The following MYH9 variants were observed in gnomAD, a reference collection of about 807,000 sequenced individuals.
The protein encoded by MYH9 is myosin-9.
Under a neutral mutation model 241.9 loss-of-function variants are expected in MYH9, and 29 were observed. That is an observed-to-expected ratio of 0.12 (90% confidence interval 0.09 to 0.16). The LOEUF (loss-of-function observed/expected upper bound fraction) is 0.16, where lower values mean the gene tolerates loss of function less well. Ranked by LOEUF, MYH9 falls within the 10% of genes least tolerant of loss-of-function variation. MYH9 has a pLI of 1.00. For missense variants in MYH9, 1,803 were observed against 2,595.5 expected, an observed-to-expected ratio of 0.69 and a Z score of 6.63; for synonymous variants, 1,047 against 1,062.6, an observed-to-expected ratio of 0.99 and a Z score of 0.29.
rs200248683 is a variant in MYH9, at chr22:36,316,368, AC to A, written c.1380+148del. On this transcript the variant is annotated intron_variant, in intron 12 of 40. Transcript: ENST00000216181. ...TCTTTTAAAAAAGAAAAAAAAAAAA[AC>A]AACCCCACACCCAACCAAAGTCTTC... 270 of 998,860 alleles carry A rather than the reference AC, an allele frequency of 2.7e-4. 1 individual carries two copies. The highest frequency in any genetic ancestry group is 2.3e-3 in the African/African-American group (134 of 58,686). 61.9% of individuals were successfully genotyped at this position (998,860 alleles called of 1,614,324 possible). A position where few individuals can be genotyped will look rare whatever the true frequency, so the allele number is the denominator to read the frequency against.
chr22:36,322,274 A>C (rs2017266231), intron 6 of MYH9, among the ~76,000 whole-genome samples, 155 bp downstream of exon 6: 1 of 152,220 alleles, frequency 6.6e-6, no homozygotes, highest in Admixed American at 6.5e-5. Context: ...ACCAACTGGC[A>C]TTCGGTCTGG....
chr22:36,340,588 G>C (rs2017570253), intron 3 of MYH9, among the ~76,000 whole-genome samples: 1 of 151,732 alleles, frequency 6.6e-6, no homozygotes, highest in African/African-American at 2.4e-5. Flanking sequence ...TTGAGCCTGG[G>C]AAGCGGAGGT....
At chr22:36,345,011 C>T (rs2017654190) in intron 2 of MYH9, among the ~76,000 whole-genome samples, 1 of 152,214 alleles carries the variant, frequency 6.6e-6, no homozygotes, top group Non-Finnish European at 1.5e-5. Flanking sequence ...TGGCTGGGTA[C>T]TTTAGAAAGT....
intron 3 of MYH9, among the ~76,000 whole-genome samples, chr22:36,340,321 C>T (rs1294800966): frequency 6.6e-6 from 1 of 151,820 alleles, no homozygotes; most frequent in Non-Finnish European, 1.5e-5. Context: ...ATTTACATCC[C>T]AGAAAGATGA....
chr22:36,382,887 C>G (rs2018281712), intron 1 of MYH9, among the ~76,000 whole-genome samples: 1 of 152,112 alleles, frequency 6.6e-6, no homozygotes. Context: ...GGCACATAAA[C>G]TGGTATGATA....
intron 13 of MYH9, 76 bp from the exon 14 acceptor site, chr22:36,312,298 G>C: frequency 1.4e-6 from 2 of 1,468,578 alleles, no homozygotes; most frequent in Non-Finnish European, 1.9e-6. Context: ...GCCAAAGCCC[G>C]GACATCAGAA....
intron 1 of MYH9, 147 bp from the exon 2 acceptor site, chr22:36,349,402 T>A: frequency 2.9e-6 from 2 of 696,530 alleles, no homozygotes; most frequent in Non-Finnish European, 4.9e-6. Flanking sequence ...ACTTTCTTGC[T>A]CCACACTTTT....
At chr22:36,328,036 T>G (rs1474723864) in intron 3 of MYH9, among the ~76,000 whole-genome samples, 1 of 152,248 alleles carries the variant, frequency 6.6e-6, no homozygotes, top group Non-Finnish European at 1.5e-5. Flanking sequence ...CAGGCTTCTC[T>G]GAGCCCCAGC....
chr22:36,288,636 T>A lies in MYH9; in HGVS notation c.4770+91A>T. 1 of 1,514,176 alleles carries A rather than the reference T, an allele frequency of 6.6e-7. No homozygotes were observed. Among genetic ancestry groups the A allele is most frequent in the Non-Finnish European group, 9.1e-7 (1 of 1,103,790 alleles). 93.8% of individuals were successfully genotyped at this position (1,514,176 alleles called of 1,614,324 possible). On this transcript the variant is annotated intron_variant, in intron 33 of 40. Coordinates refer to ENST00000216181, the MANE Select transcript of MYH9 (RefSeq NM_002473.6). The surrounding 1 kb of genome is among the most constrained non-coding windows in gnomAD (Gnocchi z 4.8). ...GAGGGGAGGCGTGGTCAAGGGGCCC[T>A]AACACAATCCAGGTGGAAGGAGAGA...
At chr22:36,301,183 C>A (rs1049070290) in intron 21 of MYH9, 126 bp from the exon 22 acceptor site, 84 of 938,552 alleles carry the variant, frequency 8.9e-5, no homozygotes, top group Non-Finnish European at 1.4e-4. Flanking sequence ...TAGCTTTCAT[C>A]TGGAGAGCTC....
chr22:36,286,923 A>G, intron 34 of MYH9, 77 bp from the exon 35 acceptor site: 2 of 1,592,334 alleles, frequency 1.3e-6, no homozygotes, highest in Non-Finnish European at 1.7e-6. Context: ...TCACCTCGCC[A>G]ACAGGGCTCA....
Position 36,306,738 on chromosome 22 carries a change from T to C in MYH9, c.1844-131A>G, listed in dbSNP as rs2016977413. 11 of 959,334 alleles carry C rather than the reference T, an allele frequency of 1.1e-5. No homozygotes were observed. The highest frequency in any genetic ancestry group is 1.8e-5 in the Non-Finnish European group (11 of 623,006). 59.4% of individuals were successfully genotyped at this position (959,334 alleles called of 1,614,324 possible). A position where few individuals can be genotyped will look rare whatever the true frequency, so the allele number is the denominator to read the frequency against. ...GACAGAATGAAACAACAGGACCCTT[T>C]CCAATTGGAGCCTACACTGGGTGCT... On this transcript the variant is annotated intron_variant, in intron 15 of 40. Transcript: ENST00000216181. This position sits in a 1 kb window ranked among gnomAD's most constrained non-coding sequence, Gnocchi z 4.1.
chr22:36,325,553 T>A (rs962181951), intron 5 of MYH9, among the ~76,000 whole-genome samples: 1 of 152,204 alleles, frequency 6.6e-6, no homozygotes, highest in African/African-American at 2.4e-5. Context: ...CCCCAACCTC[T>A]GAAAAACTCC....
rs751880371 is a variant in MYH9, at chr22:36,301,558, C to A, written c.2607G>T (p.Thr869=). ...CCTGAGACTGCAGCGTCTCCATCTC[C>A]GTGAGCCTGTTCTCCGCAGCCAGCT... ...EKQLAAENRL[T]EMETLQSQLM... Residue 869 remains threonine (T), a synonymous_variant, in exon 21 of 41, where the codon ACG becomes ACT. Coordinates refer to ENST00000216181, the MANE Select transcript of MYH9 (RefSeq NM_002473.6). The A allele has an allele frequency of 1.2e-6, 2 of 1,613,854 alleles. No individual in the cohort carries two copies. Among genetic ancestry groups the A allele is most frequent in the South Asian group, 2.2e-5 (2 of 91,086 alleles).
At position 36,314,223 on chromosome 22, in the gene MYH9, G is replaced by A; in HGVS notation, c.1476C>T (p.Tyr492=). 1 of 1,614,226 alleles carries A rather than the reference G, an allele frequency of 6.2e-7. No homozygotes were observed. The highest frequency in any genetic ancestry group is 8.5e-7 in the Non-Finnish European group (1 of 1,180,046). The stretch of plus-strand genomic sequence containing the variant: ...AGTTCCACTCGATGCCCTCGCGCTG[G>A]TACTCCTCCTGCTCCAGGATGAACA... ...HTMFILEQEE[Y]QREGIEWNFI... Residue 492 remains tyrosine (Y), a synonymous_variant, in exon 13 of 41, where the codon TAC becomes TAT. Coordinates refer to ENST00000216181, the MANE Select transcript of MYH9 (RefSeq NM_002473.6).
Position 36,306,601 on chromosome 22 carries a change from C to T in MYH9, c.1850G>A (p.Arg617His), listed in dbSNP as rs151240427. The change falls in exon 16 of 41, where the codon CGC becomes CAC. Residue 617 changes from arginine to histidine, a missense_variant. Transcript: ENST00000216181. This position sits in a 1 kb window ranked among gnomAD's most constrained non-coding sequence, Gnocchi z 4.1. ...FVSELWKDVD[R>H]IIGLDQVAGM... ...GGCCACCTGGTCCAGGCCGATGATGCGGTCCACTGTGGAGACCACAGAGAA... is the reference window on the plus strand; with the variant it reads ...GGCCACCTGGTCCAGGCCGATGATGTGGTCCACTGTGGAGACCACAGAGAA... 1.4e-5 allele frequency: 22 copies of T among 1,612,506 alleles called. No individual in the cohort carries two copies. Among genetic ancestry groups the T allele is most frequent in the African/African-American group, 9.3e-5 (7 of 75,044 alleles).
chr22:36,311,196 A>G (rs1459258754), intron 14 of MYH9, among the ~76,000 whole-genome samples: 1 of 152,240 alleles, frequency 6.6e-6, no homozygotes, highest in Non-Finnish European at 1.5e-5. Flanking sequence ...GAGAAAAACC[A>G]GCTTTTGTCT....
chr22:36,352,171 C>T (rs1233224530), intron 1 of MYH9, among the ~76,000 whole-genome samples: 1 of 152,154 alleles, frequency 6.6e-6, no homozygotes, highest in Admixed American at 6.5e-5. Context: ...GAGCTGGGCC[C>T]TAACTGTCCC....
chr22:36,323,546 G>A (rs1439856453), intron 5 of MYH9, among the ~76,000 whole-genome samples: 1 of 152,224 alleles, frequency 6.6e-6, no homozygotes, highest in Non-Finnish European at 1.5e-5. Context: ...GCAGCCGCCT[G>A]TGAGTGATGA....
Sources: gnomAD v4.1 joint callset for allele counts (sites outside exome capture counted in the v4.1 genomes callset) on GRCh38, gnomAD v4.1.1 for gene constraint, Gnocchi (gnomAD v3.1) non-coding constraint, MANE v1.5 for transcripts, NCBI Gene and HGNC (gene_info 2026-07-23, HGNC 2026-07-21) for gene names.